Variants in KCNK6 observed in about 807,000 individuals in gnomAD.
The protein encoded by KCNK6 is potassium two pore domain channel subfamily K member 6, also known as potassium channel subfamily K member 6.
In KCNK6, 20 loss-of-function variants were observed where a neutral mutation model predicts 21.9. The ratio of observed to expected loss-of-function variants is 0.91; its 90% confidence interval spans 0.64 to 1.32. KCNK6 has a LOEUF of 1.32. Ranked by LOEUF, KCNK6 falls within the 40% of genes most tolerant of loss-of-function variation. The probability of loss-of-function intolerance (pLI) is 0.00; values close to 1 mark genes in which losing one functional copy is unlikely to be tolerated. For missense variants in KCNK6, 415 were observed against 433.1 expected, an observed-to-expected ratio of 0.96 and a Z score of 0.37; for synonymous variants, 210 against 218.0, an observed-to-expected ratio of 0.96 and a Z score of 0.32.
intron 1 of KCNK6, among the ~76,000 whole-genome samples, chr19:38,322,708 G>A (rs1267109146): frequency 1.3e-5 from 2 of 152,010 alleles, no homozygotes; most frequent in South Asian, 2.1e-4. Flanking sequence ...CCAGCTACTC[G>A]GGAGGCTGAG....
At chr19:38,322,671 C>T (rs751173949) in intron 1 of KCNK6, among the ~76,000 whole-genome samples, 1 of 151,522 alleles carries the variant, frequency 6.6e-6, no homozygotes, top group African/African-American at 2.4e-5. Context: ...AAAAATCAAC[C>T]GAGCATTGTG....
Position 38,325,406 on chromosome 19 carries a change from C to G in KCNK6, c.323-1187C>G, listed in dbSNP as rs536192999. 8.0e-5 allele frequency: 79 copies of G among 985,562 alleles called. 1 individual carries two copies. The South Asian group carries it at 3.3e-3, about 41-fold the overall frequency. 61.1% of individuals were successfully genotyped at this position (985,562 alleles called of 1,614,324 possible). ...CTGGGATTACAGACCTGAGCCACCA[C>G]GCCTGGCCCATTGTCTCGCCCATTT... is the stretch of plus-strand genomic sequence containing the variant. On this transcript the variant is annotated intron_variant, in intron 1 of 2. Coordinates refer to ENST00000263372, the MANE Select transcript of KCNK6 (RefSeq NM_004823.3).
chr19:38,323,056 TGAGCC>T (rs1969669548), intron 1 of KCNK6, among the ~76,000 whole-genome samples: 1 of 152,190 alleles, frequency 6.6e-6, no homozygotes, highest in African/African-American at 2.4e-5. Context: ...GAGGTTGCAG[TGAGCC>T]GAGATCTCGC....
At chr19:38,323,647 CT>C (rs1969677003) in intron 1 of KCNK6, among the ~76,000 whole-genome samples, 1 of 152,228 alleles carries the variant, frequency 6.6e-6, no homozygotes, top group Non-Finnish European at 1.5e-5. Context: ...GTCACCCAGG[CT>C]AGAGTGCAGT....
chr19:38,331,475 AT>A lies in KCNK6; in HGVS notation c.*4074del, dbSNP rs946423631. On this transcript the variant is annotated 3_prime_UTR_variant, in exon 3 of 3. Coordinates refer to ENST00000263372, the MANE Select transcript of KCNK6 (RefSeq NM_004823.3). ...CCGTCTCTACTAAAAATACAAAAAA[AT>A]TAGCTGGGTGCGGTGGCACGCACCT... 6.6e-6 allele frequency: 1 copy of A among 151,982 alleles called. No individual in the cohort carries two copies. The highest frequency in any genetic ancestry group is 1.5e-5 in the Non-Finnish European group (1 of 68,018). 9.4% of individuals were successfully genotyped at this position (151,982 alleles called of 1,614,324 possible).
At chr19:38,322,615 G>A (rs544341675) in intron 1 of KCNK6, among the ~76,000 whole-genome samples, 7 of 152,270 alleles carry the variant, frequency 4.6e-5, no homozygotes, top group African/African-American at 1.4e-4. Context: ...TTAGGAGTTC[G>A]AGACCAGCCT....
chr19:38,320,640 C>G (rs1034313917), intron 1 of KCNK6, among the ~76,000 whole-genome samples: 2 of 151,996 alleles, frequency 1.3e-5, no homozygotes, highest in Non-Finnish European at 2.9e-5. Context: ...ATCACGGCAG[C>G]CTCCGCCTCC....
chr19:38,324,425 TC>T lies in KCNK6; in HGVS notation c.323-2166del, dbSNP rs1395466301. On this transcript the variant is annotated intron_variant, in intron 1 of 2. Coordinates refer to ENST00000263372, the MANE Select transcript of KCNK6 (RefSeq NM_004823.3). Reference sequence around the variant, plus strand: ...GTACTGCATGGTCAGAGACCTAGGCTCCTTCTCAGCAAAACCCTGGTGTTCC... The same window carrying T: ...GTACTGCATGGTCAGAGACCTAGGCTCTTCTCAGCAAAACCCTGGTGTTCC... Among the ~76,000 whole-genome samples, 128 of 152,314 alleles carry T rather than the reference TC, an allele frequency of 8.4e-4. 2 individuals are homozygous for T. Among genetic ancestry groups the T allele is most frequent in the African/African-American group, 3.0e-3 (123 of 41,572 alleles).
Position 38,327,466 on chromosome 19 carries a change from G to C in KCNK6, c.*63G>C. The C allele has an allele frequency of 1.3e-6, 2 of 1,485,514 alleles. No homozygotes were observed. The highest frequency in any genetic ancestry group is 1.8e-6 in the Non-Finnish European group (2 of 1,088,542). 92.0% of individuals were successfully genotyped at this position (1,485,514 alleles called of 1,614,324 possible). A position where few individuals can be genotyped will look rare whatever the true frequency, so the allele number is the denominator to read the frequency against. Reference sequence around the variant, plus strand: ...TGGGACTGAGGGGTCCAGGCGACCAGAGCTGGCTGTACAGGAATGTCCACG... The same window carrying C: ...TGGGACTGAGGGGTCCAGGCGACCACAGCTGGCTGTACAGGAATGTCCACG... On this transcript the variant is annotated 3_prime_UTR_variant, in exon 3 of 3. Coordinates refer to ENST00000263372, the MANE Select transcript of KCNK6 (RefSeq NM_004823.3).
intron 1 of KCNK6, among the ~76,000 whole-genome samples, 192 bp downstream of exon 1, chr19:38,320,464 C>G (rs1325430881): frequency 6.6e-6 from 1 of 152,148 alleles, no homozygotes; most frequent in Non-Finnish European, 1.5e-5. Context: ...AGCCCAAGTC[C>G]GAGCCCTTCC....
At position 38,320,137 on chromosome 19, in the gene KCNK6, G is replaced by A. The variant is rs752663143; in HGVS notation, c.187G>A (p.Val63Met). ...CVAAPALDAF[V>M]ERVLAAGRLG... The stretch of plus-strand genomic sequence containing the variant: ...GGCTGCCCCCGCCCTGGACGCCTTC[G>A]TGGAGCGAGTGCTGGCGGCCGGACG... The change falls in exon 1 of 3, where the codon GTG becomes ATG. Residue 63 changes from valine (V) to methionine (M), a missense_variant. Val to Met is a conservative substitution (Grantham distance 21). Coordinates refer to ENST00000263372, the MANE Select transcript of KCNK6 (RefSeq NM_004823.3). 4.4e-6 allele frequency: 7 copies of A among 1,591,448 alleles called. No individual in the cohort carries two copies. Among genetic ancestry groups the A allele is most frequent in the African/African-American group, 1.3e-5 (1 of 74,520 alleles).
In KCNK6 at chr19:38,331,346, C is replaced by A. The variant is rs1969766720; in HGVS notation, c.*3943C>A. On this transcript the variant is annotated 3_prime_UTR_variant, in exon 3 of 3. Transcript: ENST00000263372. ...CCCTGTCCTAGGAGAAAAAAAAGGG[C>A]CAGGCACAGTGGCTCACGCCTGTAA... 2 of 152,192 alleles carry A rather than the reference C, an allele frequency of 1.3e-5. No individual in the cohort carries two copies. The highest frequency in any genetic ancestry group is 1.3e-4 in the Admixed American group (2 of 15,238). 9.4% of individuals were successfully genotyped at this position (152,192 alleles called of 1,614,324 possible). A position where few individuals can be genotyped will look rare whatever the true frequency, so the allele number is the denominator to read the frequency against.
Position 38,320,315 on chromosome 19 carries a change from C to T in KCNK6, c.322+43C>T, listed in dbSNP as rs1265882813. 13 of 1,595,304 alleles carry T rather than the reference C, an allele frequency of 8.1e-6. No individual in the cohort carries two copies. In the Middle Eastern group the frequency reaches 6.7e-4, roughly 82 times the overall value. Reference sequence around the variant, plus strand: ...CGCAAGGCGGCGAGGACCCGGGATCCCCACTTCATCCTTAACCCCTGGGGA... The same window carrying T: ...CGCAAGGCGGCGAGGACCCGGGATCTCCACTTCATCCTTAACCCCTGGGGA... On this transcript the variant is annotated intron_variant, in intron 1 of 2. Transcript: ENST00000263372.
Position 38,326,918 on chromosome 19 carries a change from C to T in KCNK6, c.648C>T (p.Gly216=), listed in dbSNP as rs1375848032. ...GCTTTATCTCTCTGTCCACCATCGG[C>T]CTGGGCGACTACGTGCCCGGGGAGG... is the stretch of plus-strand genomic sequence containing the variant. ...YFCFISLSTI[G]LGDYVPGEAP... is the part of the protein sequence containing the mutation. The change falls in exon 2 of 3, where the codon GGC becomes GGT. Residue 216 remains glycine, a synonymous_variant. Transcript: ENST00000263372. The T allele has an allele frequency of 6.2e-6, 10 of 1,610,932 alleles. No individual in the cohort carries two copies. Among genetic ancestry groups the T allele is most frequent in the African/African-American group, 1.3e-5 (1 of 75,064 alleles).
chr19:38,327,241 C>T lies in KCNK6; in HGVS notation c.780C>T (p.Ser260=), dbSNP rs1180322998. The T allele has an allele frequency of 1.7e-5, 27 of 1,613,600 alleles. 1 individual carries two copies. The highest frequency in any genetic ancestry group is 3.3e-5 in the South Asian group (3 of 91,088). Residue 260 remains serine (S), a synonymous_variant, in exon 3 of 3, where the codon TCC becomes TCT. Coordinates refer to ENST00000263372, the MANE Select transcript of KCNK6 (RefSeq NM_004823.3). ...VLVLQTFRHV[S]DLHGLTELIL... The stretch of plus-strand genomic sequence containing the variant: ...TGCTGCAGACCTTCCGCCACGTGTC[C>T]GACCTCCACGGCCTCACGGAGCTCA...
Position 38,326,546 on chromosome 19 carries a change from T to G in KCNK6, c.323-47T>G. 1.9e-6 allele frequency: 3 copies of G among 1,540,286 alleles called. No homozygotes were observed. In the East Asian group the frequency reaches 6.8e-5, roughly 35 times the overall value. ...AGCCCGGGTGACAGAGTGACCCCCA[T>G]CTCTAAAAAGAAAAAGATTTACCCT... On this transcript the variant is annotated intron_variant, in intron 1 of 2. Transcript: ENST00000263372.
In KCNK6 at chr19:38,330,556, G is replaced by A. The variant is rs545284779; in HGVS notation, c.*3153G>A. 1 of 151,092 alleles carries A rather than the reference G, an allele frequency of 6.6e-6. No homozygotes were observed. The highest frequency in any genetic ancestry group is 1.5e-5 in the Non-Finnish European group (1 of 68,038). 9.4% of individuals were successfully genotyped at this position (151,092 alleles called of 1,614,324 possible). On this transcript the variant is annotated 3_prime_UTR_variant, in exon 3 of 3. Transcript: ENST00000263372. ...AAGTGGGAGGATCACTTGAGCCTGG[G>A]AGGTCAAGGCTGCAGTGAGCTGTGA...
rs1026597937 is a variant in KCNK6 at position 38,330,939 on chromosome 19, G to A, written c.*3536G>A. 2 of 152,172 alleles carry A rather than the reference G, an allele frequency of 1.3e-5. No homozygotes were observed. Among genetic ancestry groups the A allele is most frequent in the Admixed American group, 6.5e-5 (1 of 15,268 alleles). 9.4% of individuals were successfully genotyped at this position (152,172 alleles called of 1,614,324 possible). A position where few individuals can be genotyped will look rare whatever the true frequency, so the allele number is the denominator to read the frequency against. On this transcript the variant is annotated 3_prime_UTR_variant, in exon 3 of 3. Transcript: ENST00000263372. ...GCTGACTTTGAGCTAAAGTCATCTC[G>A]GGGCAGCTAGGTGCCTATGTGAGCT...
Position 38,327,355 on chromosome 19 carries a change from G to A in KCNK6, c.894G>A (p.Gln298=), listed in dbSNP as rs367679159. 1 of 1,612,116 alleles carries A rather than the reference G, an allele frequency of 6.2e-7. No homozygotes were observed. The highest frequency in any genetic ancestry group is 2.2e-5 in the East Asian group (1 of 44,884). Residue 298 remains glutamine, a synonymous_variant, in exon 3 of 3, where the codon CAG becomes CAA. Transcript: ENST00000263372. ...TGGGCCCCCAGCCGGAGTCGCACCA[G>A]CAACTCTCTGCCAGCTCCCACACCG... ...DILGPQPESH[Q]QLSASSHTDY...
Sources: allele counts gnomAD v4.1 joint callset (sites outside exome capture counted in the v4.1 genomes callset), GRCh38; gene constraint gnomAD v4.1.1; transcripts MANE v1.5; gene names NCBI Gene and HGNC (gene_info 2026-07-23, HGNC 2026-07-21).